The following ADAM9 variants were observed in gnomAD, a reference collection of about 807,000 sequenced individuals.
The protein encoded by ADAM9 is ADAM metallopeptidase domain 9, also known as disintegrin and metalloproteinase domain-containing protein 9.
Under a neutral mutation model 108.1 loss-of-function variants are expected in ADAM9, and 54 were observed. The ratio of observed to expected loss-of-function variants is 0.50; its 90% CI spans 0.40 to 0.63. The LOEUF is 0.63. ADAM9 is among the 20% of genes least tolerant of loss of function. ADAM9 has a pLI of 0.00. For missense variants in ADAM9, 830 were observed against 997.7 expected (o/e 0.83, Z 2.26); for synonymous variants, 316 against 336.0 (o/e 0.94, Z 0.65).
chr8:39,087,425 A>G (rs1839211321), intron 18 of ADAM9, among the ~76,000 whole-genome samples: 1 of 152,198 alleles, frequency 6.6e-6, no homozygotes, highest in South Asian at 2.1e-4. Flanking sequence ...ATGGCTGTGT[A>G]TCATTTCATC....
chr8:39,013,906 C>A, intron 3 of ADAM9, 59 bp from the exon 4 acceptor site: 1 of 1,300,996 alleles, frequency 7.7e-7, no homozygotes, highest in Non-Finnish European at 1.1e-6. Context: ...CCTTATGAAT[C>A]GTGTCCTTAG....
At chr8:39,026,017 G>A in intron 10 of ADAM9, 133 bp downstream of exon 10, 1 of 863,920 alleles carries the variant, frequency 1.2e-6, no homozygotes, top group Non-Finnish European at 1.9e-6. Flanking sequence ...AGAAGTCGCA[G>A]ATGGGTTCTT....
intron 18 of ADAM9, among the ~76,000 whole-genome samples, chr8:39,083,967 A>G (rs531246787): frequency 5.9e-5 from 9 of 151,980 alleles, no homozygotes; most frequent in Middle Eastern, 3.2e-3. Context: ...AATTCCCCCA[A>G]TTTCCCCACA....
intron 12 of ADAM9, among the ~76,000 whole-genome samples, chr8:39,052,750 C>A (rs1837998542): frequency 6.6e-6 from 1 of 152,112 alleles, no homozygotes; most frequent in African/African-American, 2.4e-5. Flanking sequence ...ATTCCCTATT[C>A]TTTCATGAAG....
rs1052611373 is a variant in ADAM9 at position 39,066,958 on chromosome 8, T to C, written c.1592-4340T>C. On this transcript the variant is annotated intron_variant, in intron 14 of 21. Transcript: ENST00000487273. ...GTGTAAGGAAGGGATCCAGTTTCAG[T>C]TTTCTACATATGGCTAGCCAGTTTT... Among the ~76,000 whole-genome samples, 68 of 152,296 alleles carry C rather than the reference T, an allele frequency of 4.5e-4. 1 individual carries two copies. Among genetic ancestry groups the C allele is most frequent in the African/African-American group, 1.5e-3 (61 of 41,570 alleles).
At chr8:39,045,061 CAT>C (rs1837602341) in intron 12 of ADAM9, among the ~76,000 whole-genome samples, 1 of 18,122 alleles carries the variant, frequency 5.5e-5, no homozygotes, top group African/African-American at 3.1e-4. Flanking sequence ...TGTGTGTGTG[CAT>C]ACATACATAT....
chr8:39,028,392 C>T (rs981268561), intron 11 of ADAM9, among the ~76,000 whole-genome samples: 1 of 151,908 alleles, frequency 6.6e-6, no homozygotes, highest in African/African-American at 2.4e-5. Flanking sequence ...ATGTAAGGAA[C>T]GTCATATGTT....
chr8:39,024,914 T>C (rs1477586749), intron 9 of ADAM9, among the ~76,000 whole-genome samples: 2 of 152,060 alleles, frequency 1.3e-5, no homozygotes, highest in Non-Finnish European at 2.9e-5. Context: ...ACTGTTGAAT[T>C]TTGAGGTGAC....
Position 39,026,763 on chromosome 8 carries a change from A to G in ADAM9, c.1083A>G (p.Arg361=), listed in dbSNP as rs765974230. The stretch of plus-strand genomic sequence containing the variant: ...TTGGAATGAATCACGATGATGGGAG[A>G]GATTGTTCCTGTGGAGCAAAGAGCT... ...HNLGMNHDDG[R]DCSCGAKSCI... The change falls in exon 11 of 22, where the codon AGA becomes AGG. Residue 361 remains arginine, a synonymous_variant. Transcript: ENST00000487273. 2 of 1,614,098 alleles carry G rather than the reference A, an allele frequency of 1.2e-6. No individual in the cohort carries two copies.
chr8:39,054,552 T>C lies in ADAM9; in HGVS notation c.1374T>C (p.Gly458=), dbSNP rs1462816678. 3.7e-6 allele frequency: 6 copies of C among 1,606,242 alleles called. No individual in the cohort carries two copies. The highest frequency in any genetic ancestry group is 5.1e-6 in the Non-Finnish European group (6 of 1,178,306). Residue 458 remains glycine, a synonymous_variant, in exon 13 of 22, where the codon GGT becomes GGC. Coordinates refer to ENST00000487273, the MANE Select transcript of ADAM9 (RefSeq NM_003816.3). ...AATCATTTGCTGAGTGTGCATATGG[T>C]GACTGTTGTAAAGACTGTCGGGTAA... is the stretch of plus-strand genomic sequence containing the variant. The part of the protein sequence containing the change: ...KLKSFAECAY[G]DCCKDCRFLP...
intron 15 of ADAM9, among the ~76,000 whole-genome samples, chr8:39,075,196 C>G (rs544570173): frequency 1.3e-5 from 2 of 152,080 alleles, no homozygotes; most frequent in Non-Finnish European, 2.9e-5. Context: ...CGTGAGCCAC[C>G]GCGCCTGGCC....
chr8:39,054,667 C>T (rs1346106483), intron 13 of ADAM9, 94 bp downstream of exon 13: 1 of 1,095,502 alleles, frequency 9.1e-7, no homozygotes, highest in African/African-American at 1.6e-5. Flanking sequence ...ATTTCTGAGT[C>T]AGCACTATTT....
At position 39,023,139 on chromosome 8, in the gene ADAM9, T is replaced by G; in HGVS notation, c.745-17T>G. 1 of 1,600,764 alleles carries G rather than the reference T, an allele frequency of 6.2e-7. No homozygotes were observed. Among genetic ancestry groups the G allele is most frequent in the Middle Eastern group, 1.7e-4 (1 of 6,024 alleles). Reference sequence around the variant, plus strand: ...TTCTTTACTATATTTTATATACTTTTATTTCTTTCTTCCCAGATGTATATT... The same window carrying G: ...TTCTTTACTATATTTTATATACTTTGATTTCTTTCTTCCCAGATGTATATT... On this transcript the variant is annotated splice_polypyrimidine_tract_variant and intron_variant, in intron 8 of 21. Coordinates refer to ENST00000487273, the MANE Select transcript of ADAM9 (RefSeq NM_003816.3).
chr8:39,003,637 T>C (rs1328210371), intron 1 of ADAM9, among the ~76,000 whole-genome samples: 4 of 152,168 alleles, frequency 2.6e-5, no homozygotes, highest in African/African-American at 4.8e-5. Flanking sequence ...ATGTATTATT[T>C]TGATGACATT....
At chr8:39,076,339 A>G (rs1588415710) in intron 15 of ADAM9, 1 of 152,240 alleles carries the variant, frequency 6.6e-6, no homozygotes, top group East Asian at 1.9e-4. Context: ...GAAGGAAAAG[A>G]TATCTGTGTA....
At chr8:39,069,613 G>C (rs1457344847) in intron 14 of ADAM9, among the ~76,000 whole-genome samples, 1 of 152,168 alleles carries the variant, frequency 6.6e-6, no homozygotes, top group East Asian at 1.9e-4. Context: ...TGGTTTGCCT[G>C]AGGTCACACA....
chr8:39,082,814 G>A, intron 17 of ADAM9, 93 bp downstream of exon 17: 8 of 1,379,068 alleles, frequency 5.8e-6, no homozygotes, highest in Non-Finnish European at 8.2e-6. Context: ...ATTTTCAGAT[G>A]TTGGGGAATT....
chr8:39,097,485 T>G (rs908513051), intron 20 of ADAM9, among the ~76,000 whole-genome samples: 1 of 152,106 alleles, frequency 6.6e-6, no homozygotes, highest in African/African-American at 2.4e-5. Context: ...TTTTGTATTT[T>G]TTAGTAGAGA....
intron 14 of ADAM9, among the ~76,000 whole-genome samples, chr8:39,068,494 G>A (rs555421651): frequency 1.4e-4 from 21 of 151,710 alleles, no homozygotes; most frequent in African/African-American, 4.8e-4. Flanking sequence ...GGCCAACATG[G>A]TGAAGCCCTG....
Sources: gnomAD v4.1 joint callset for allele counts (sites outside exome capture counted in the v4.1 genomes callset) on GRCh38, gnomAD v4.1.1 for gene constraint, MANE v1.5 for transcripts, NCBI Gene and HGNC (gene_info 2026-07-23, HGNC 2026-07-21) for gene names.